Variants in ZNF438 observed in about 807,000 individuals in gnomAD.
ZNF438 encodes zinc finger protein 438.
In ZNF438, 25 loss-of-function variants were observed where a neutral mutation model predicts 38.0. The observed-to-expected ratio is 0.66, with a 90% CI of 0.48 to 0.92. The LOEUF (loss-of-function observed/expected upper bound fraction) is 0.92. Among genes scored for constraint, ZNF438 ranks in the 40% least tolerant of loss-of-function variants. The probability of loss-of-function intolerance (pLI) is 0.00; values close to 1 mark genes in which losing one functional copy is unlikely to be tolerated. For synonymous variants in ZNF438, 372 were observed against 364.1 expected (o/e 1.02, Z -0.25); for missense variants, 1,007 against 999.6 (o/e 1.01, Z -0.10).
At chr10:30,987,019 T>A (rs185581924) in intron 1 of ZNF438, among the ~76,000 whole-genome samples, 177 of 152,294 alleles carry the variant, frequency 1.2e-3, no homozygotes, top group African/African-American at 4.1e-3. Context: ...GTGGTTCACA[T>A]ATAATTCACA....
At chr10:30,926,587 A>G (rs1238106919) in intron 2 of ZNF438, among the ~76,000 whole-genome samples, 1 of 151,774 alleles carries the variant, frequency 6.6e-6, no homozygotes. Context: ...AATCACTTGA[A>G]CCCGGAAGGC....
chr10:30,980,674 G>A (rs776172148), intron 1 of ZNF438, among the ~76,000 whole-genome samples: 4 of 152,160 alleles, frequency 2.6e-5, no homozygotes, highest in Admixed American at 2.0e-4. Context: ...TAAAGAAATT[G>A]TAAATTTGGG....
At chr10:31,009,713 T>C (rs775937794) in intron 1 of ZNF438, among the ~76,000 whole-genome samples, 35 of 152,178 alleles carry the variant, frequency 2.3e-4, no homozygotes, top group Non-Finnish European at 4.9e-4. Flanking sequence ...AGAGGAAGCA[T>C]TACAAAGCTT....
At chr10:30,879,985 C>T (rs7076530) in intron 3 of ZNF438, among the ~76,000 whole-genome samples, 3 of 151,486 alleles carry the variant, frequency 2.0e-5, no homozygotes, top group Non-Finnish European at 2.9e-5. Flanking sequence ...CACTGATTCA[C>T]GAGAAACATG....
chr10:30,963,321 G>A (rs1036167929), intron 1 of ZNF438, among the ~76,000 whole-genome samples: 1 of 150,206 alleles, frequency 6.7e-6, no homozygotes, highest in Non-Finnish European at 1.5e-5. Flanking sequence ...GAACCCAGGA[G>A]GTGGAAGTTG....
At chr10:31,008,958 G>C (rs1411816532) in intron 1 of ZNF438, among the ~76,000 whole-genome samples, 1 of 152,152 alleles carries the variant, frequency 6.6e-6, no homozygotes, top group Admixed American at 6.5e-5. Context: ...GCTAACTAGT[G>C]GGCATGAAGT....
At chr10:30,930,836 C>CAAAAAAAAAAAAAAAAAAAAA (rs2045599179) in intron 2 of ZNF438, among the ~76,000 whole-genome samples, 74 of 58,674 alleles carry the variant, frequency 1.3e-3, no homozygotes, top group African/African-American at 2.3e-3. Context: ...AAAAAAAAAG[C>CAAAAAAAAAAAAAAAAAAAAA]AAATGGTTCT....
intron 1 of ZNF438, among the ~76,000 whole-genome samples, chr10:30,948,412 C>G (rs538361788): frequency 1.3e-5 from 2 of 152,116 alleles, no homozygotes; most frequent in African/African-American, 2.4e-5. Context: ...ATGACTTCGA[C>G]GAGCTGAGAG....
rs745841672 is a variant in ZNF438, at chr10:30,848,675, CCAAA to C, written c.1726_1729del (p.Phe576AlafsTer10). The C allele has an allele frequency of 6.6e-5, 106 of 1,614,174 alleles. No homozygotes were observed. The Middle Eastern group carries it at 4.0e-3, about 60-fold the overall frequency. On this transcript the variant is annotated frameshift_variant, in exon 5 of 6. Transcript: ENST00000413025. LOFTEE classifies it high-confidence loss of function. ...ATGGCCAAAATAGACTCGGATGTGG[CCAAA>C]CACTTTTGCACAAAACTCACAACAC...
chr10:30,891,099 G>T (rs377408283), intron 3 of ZNF438, among the ~76,000 whole-genome samples: 2 of 152,158 alleles, frequency 1.3e-5, no homozygotes, highest in East Asian at 3.8e-4. Context: ...AAGTGTCTCA[G>T]TCTATTTTCT....
chr10:30,873,039 A>C (rs992708726), intron 4 of ZNF438, among the ~76,000 whole-genome samples: 2 of 152,178 alleles, frequency 1.3e-5, no homozygotes, highest in African/African-American at 4.8e-5. Context: ...ATTCACTTGC[A>C]TTTTTAATCA....
At chr10:31,010,758 A>G (rs3011600) in intron 1 of ZNF438, among the ~76,000 whole-genome samples, 113,400 of 151,642 alleles carry the variant, frequency 0.75, 43,040 homozygotes, top group African/African-American at 0.83. Flanking sequence ...GCACGGTAGC[A>G]CACATCTGTA....
chr10:30,906,820 A>T (rs1448581653), intron 3 of ZNF438, among the ~76,000 whole-genome samples: 1 of 152,192 alleles, frequency 6.6e-6, no homozygotes, highest in Admixed American at 6.5e-5. Context: ...GTCTATTATC[A>T]TGTGACTTCT....
intron 2 of ZNF438, among the ~76,000 whole-genome samples, chr10:30,917,705 T>C (rs1278642499): frequency 6.6e-6 from 1 of 152,230 alleles, no homozygotes; most frequent in East Asian, 1.9e-4. Flanking sequence ...ATTAGCTATA[T>C]ATTCCTTTGA....
At chr10:30,887,862 C>T (rs2040166319) in intron 3 of ZNF438, among the ~76,000 whole-genome samples, 1 of 152,194 alleles carries the variant, frequency 6.6e-6, no homozygotes, top group Non-Finnish European at 1.5e-5. Context: ...CAGGCAATCA[C>T]TGATGTTTTC....
At chr10:30,852,425 C>T (rs2033827814) in intron 4 of ZNF438, among the ~76,000 whole-genome samples, 3 of 152,042 alleles carry the variant, frequency 2.0e-5, no homozygotes. Flanking sequence ...TCAGGCTGGT[C>T]TCGAACTCCC....
intron 1 of ZNF438, among the ~76,000 whole-genome samples, chr10:30,963,701 G>C (rs2136083388): frequency 6.6e-6 from 1 of 152,160 alleles, no homozygotes; most frequent in South Asian, 2.1e-4. Flanking sequence ...CCAAGATGGT[G>C]AAACTCCGTC....
At chr10:30,910,957 G>T (rs1247623366) in intron 2 of ZNF438, among the ~76,000 whole-genome samples, 3 of 152,020 alleles carry the variant, frequency 2.0e-5, no homozygotes, top group African/African-American at 7.3e-5. Context: ...GAATATGGTA[G>T]TTCAAGCAAA....
chr10:30,965,788 T>A (rs2050050448), intron 1 of ZNF438, among the ~76,000 whole-genome samples: 1 of 151,328 alleles, frequency 6.6e-6, no homozygotes, highest in African/African-American at 2.4e-5. Flanking sequence ...GAGGCAAGAG[T>A]TGAAAAAGTT....
Sources: gnomAD v4.1 joint callset for allele counts (sites outside exome capture counted in the v4.1 genomes callset) on GRCh38, gnomAD v4.1.1 for gene constraint, MANE v1.5 for transcripts, NCBI Gene and HGNC (gene_info 2026-07-23, HGNC 2026-07-21) for gene names.